The following ATRNL1 variants were observed in gnomAD, a reference collection of about 807,000 sequenced individuals.
The protein encoded by ATRNL1 is attractin-like protein 1.
Under a neutral mutation model 182.7 loss-of-function variants are expected in ATRNL1, and 95 were observed. That is an observed-to-expected ratio of 0.52 (90% confidence interval 0.44 to 0.62). ATRNL1 has a LOEUF of 0.62. ATRNL1 is among the 20% of genes least tolerant of loss of function. The probability of loss-of-function intolerance (pLI) is 0.00; values close to 1 mark genes in which losing one functional copy is unlikely to be tolerated. For synonymous variants in ATRNL1, 576 were observed against 568.3 expected, an observed-to-expected ratio of 1.01 and a Z score of -0.19; for missense variants, 1,471 against 1,679.5, an observed-to-expected ratio of 0.88 and a Z score of 2.17.
chr10:115,772,820 C>T (rs2134170242), intron 27 of ATRNL1, among the ~76,000 whole-genome samples: 1 of 152,212 alleles, frequency 6.6e-6, no homozygotes, highest in African/African-American at 2.4e-5. Context: ...CTTTGACTGA[C>T]ATTTTTGCAG....
At chr10:115,931,106 G>T (rs1953381372) in intron 28 of ATRNL1, among the ~76,000 whole-genome samples, 2 of 152,046 alleles carry the variant, frequency 1.3e-5, no homozygotes, top group African/African-American at 4.8e-5. Context: ...GAATATCCAG[G>T]TTGATTATAA....
rs139650901 is a variant in ATRNL1 at position 115,414,570 on chromosome 10, A to C, written c.3270-11680A>C. On this transcript the variant is annotated intron_variant, in intron 20 of 28. Coordinates refer to ENST00000355044, the MANE Select transcript of ATRNL1 (RefSeq NM_207303.4). ...ACATTAATAACCTGAAACTACTTCC[A>C]GTATACTCAGAGAGATTATTGTTCA... is the stretch of plus-strand genomic sequence containing the variant. Among the ~76,000 whole-genome samples, 517 of 152,124 alleles carry C rather than the reference A, an allele frequency of 3.4e-3. 7 individuals are homozygous for C. In the East Asian group the frequency reaches 0.047, roughly 14 times the overall value.
At chr10:115,577,586 A>G (rs75457005) in intron 26 of ATRNL1, among the ~76,000 whole-genome samples, 1,463 of 135,024 alleles carry the variant, frequency 0.011, 17 homozygotes, top group African/African-American at 0.037. Flanking sequence ...CTACTACTTT[A>G]CTGAATTTAT....
At chr10:115,676,717 CAG>C (rs1330669503) in intron 26 of ATRNL1, among the ~76,000 whole-genome samples, 2 of 151,360 alleles carry the variant, frequency 1.3e-5, no homozygotes, top group African/African-American at 4.9e-5. Flanking sequence ...AAACATAAGT[CAG>C]GGGAAAGGAG....
At chr10:115,365,939 A>G (rs1857013190) in intron 19 of ATRNL1, among the ~76,000 whole-genome samples, 1 of 152,152 alleles carries the variant, frequency 6.6e-6, no homozygotes, top group Admixed American at 6.5e-5. Flanking sequence ...CTTTACTTCC[A>G]AGTATGTGGT....
At chr10:115,207,225 A>G (rs977445827) in intron 8 of ATRNL1, among the ~76,000 whole-genome samples, 1 of 152,128 alleles carries the variant, frequency 6.6e-6, no homozygotes, top group African/African-American at 2.4e-5. Context: ...GGCTGGGTCA[A>G]ATGGTATTTC....
At chr10:115,269,144 G>A (rs1851731911) in intron 13 of ATRNL1, among the ~76,000 whole-genome samples, 1 of 151,900 alleles carries the variant, frequency 6.6e-6, no homozygotes, top group African/African-American at 2.4e-5. Flanking sequence ...TATTTGTTGT[G>A]GGAGGGCTGT....
chr10:115,263,031 A>G (rs1350299551), intron 10 of ATRNL1, among the ~76,000 whole-genome samples: 1 of 151,906 alleles, frequency 6.6e-6, no homozygotes, highest in Non-Finnish European at 1.5e-5. Context: ...CAAGATACAT[A>G]TAAGAGTGAA....
At chr10:115,792,516 A>G (rs991531794) in intron 27 of ATRNL1, among the ~76,000 whole-genome samples, 8 of 152,114 alleles carry the variant, frequency 5.3e-5, no homozygotes, top group African/African-American at 1.9e-4. Flanking sequence ...AACAGTATGC[A>G]GTAAGTGTAG....
At chr10:115,835,949 TG>T (rs1258427870) in intron 27 of ATRNL1, among the ~76,000 whole-genome samples, 66 of 152,308 alleles carry the variant, frequency 4.3e-4, no homozygotes, top group African/African-American at 1.6e-3. Context: ...TGCCACATTC[TG>T]CTCTGTCCCC....
chr10:115,712,528 T>C (rs1555054795), intron 26 of ATRNL1, among the ~76,000 whole-genome samples: 1 of 152,220 alleles, frequency 6.6e-6, no homozygotes, highest in East Asian at 1.9e-4. Context: ...TTTGGTATTA[T>C]GCATACTTAC....
Position 115,847,868 on chromosome 10 carries a change from C to T in ATRNL1, c.3904-9C>T, listed in dbSNP as rs782788167. The T allele has an allele frequency of 6.4e-7, 1 of 1,565,690 alleles. No homozygotes were observed. Among genetic ancestry groups the T allele is most frequent in the Non-Finnish European group, 8.8e-7 (1 of 1,136,806 alleles). On this transcript the variant is annotated splice_polypyrimidine_tract_variant and intron_variant, in intron 27 of 28. Coordinates refer to ENST00000355044, the MANE Select transcript of ATRNL1 (RefSeq NM_207303.4). The stretch of plus-strand genomic sequence containing the variant: ...ATTTTGCAAACTTAAAGTGGGTTTT[C>T]TTTTTCAGGGGGCACCCAAGCCAAT...
At chr10:115,625,958 A>G (rs1858069404) in intron 26 of ATRNL1, among the ~76,000 whole-genome samples, 1 of 152,004 alleles carries the variant, frequency 6.6e-6, no homozygotes. Context: ...CAATCCTCAC[A>G]CTTTCCCCCT....
intron 25 of ATRNL1, among the ~76,000 whole-genome samples, chr10:115,534,092 T>G (rs1554989385): frequency 6.6e-6 from 1 of 151,348 alleles, no homozygotes; most frequent in Non-Finnish European, 1.5e-5. Context: ...GGATTTGGGA[T>G]GGAGAGTTCT....
At chr10:115,332,695 T>G (rs1855284449) in intron 18 of ATRNL1, among the ~76,000 whole-genome samples, 1 of 152,228 alleles carries the variant, frequency 6.6e-6, no homozygotes, top group South Asian at 2.1e-4. Context: ...TATTTGGTTT[T>G]ACTCTTTTGT....
chr10:115,763,003 T>C (rs996387182), intron 27 of ATRNL1, among the ~76,000 whole-genome samples: 5 of 152,174 alleles, frequency 3.3e-5, no homozygotes, highest in African/African-American at 9.6e-5. Flanking sequence ...ATTTGTATAA[T>C]ATTTGATAAA....
In ATRNL1 at chr10:115,334,462, A is replaced by T. The variant is rs782662863; in HGVS notation, c.3175+43A>T. The T allele has an allele frequency of 9.0e-6, 13 of 1,449,138 alleles. No homozygotes were observed. The Admixed American group carries it at 2.9e-4, about 32-fold the overall frequency. The allele number at this position is 1,449,138 out of a possible 1,614,324, so 89.8% of individuals were successfully genotyped here. On this transcript the variant is annotated intron_variant, in intron 19 of 28. Transcript: ENST00000355044. ...AAATTTTGGTGTATTTTTACTAAGG[A>T]AAAGATAATTAAGAAAGCAGCGCCT...
chr10:115,526,619 C>A (rs1243229926), intron 25 of ATRNL1, among the ~76,000 whole-genome samples: 2 of 152,176 alleles, frequency 1.3e-5, no homozygotes, highest in African/African-American at 4.8e-5. Context: ...TGGATGTTGT[C>A]CTCTTAGCCT....
At chr10:115,393,410 G>T (rs1382966405) in intron 19 of ATRNL1, among the ~76,000 whole-genome samples, 1 of 152,032 alleles carries the variant, frequency 6.6e-6, no homozygotes, top group Non-Finnish European at 1.5e-5. Context: ...GATACTGGAA[G>T]AAAAATAATG....
Sources: gnomAD v4.1 joint callset for allele counts (sites outside exome capture counted in the v4.1 genomes callset) on GRCh38, gnomAD v4.1.1 for gene constraint, MANE v1.5 for transcripts, NCBI Gene and HGNC (gene_info 2026-07-23, HGNC 2026-07-21) for gene names.